Variants in TNNI3K observed in about 807,000 individuals in gnomAD.
TNNI3K encodes the protein TNNI3 interacting kinase, also known as serine/threonine-protein kinase TNNI3K.
A neutral mutation model predicts 114.5 loss-of-function variants in TNNI3K; 140 were observed. The observed-to-expected ratio is 1.22, with a 90% CI of 1.07 to 1.41. The LOEUF (loss-of-function observed/expected upper bound fraction) is 1.41. Among genes scored for constraint, TNNI3K ranks in the 40% most tolerant of loss-of-function variants. TNNI3K has a pLI of 0.00. For synonymous variants in TNNI3K, 347 were observed against 347.5 expected (o/e 1.00, Z 0.02); for missense variants, 1,125 against 1,007.6 (o/e 1.12, Z -1.58).
intron 21 of TNNI3K, chr1:74,468,070 A>G (rs1667753326): frequency 6.6e-6 from 1 of 152,198 alleles, no homozygotes; most frequent in African/African-American, 2.4e-5. Context: ...AACATCATAA[A>G]GAGGTAAAAG....
At chr1:74,369,678 CTT>C in intron 16 of TNNI3K, 93 bp downstream of exon 16, 1 of 1,365,922 alleles carries the variant, frequency 7.3e-7, no homozygotes, top group Non-Finnish European at 9.6e-7. Flanking sequence ...GAGCCTTCAC[CTT>C]TTGAAATCTG....
intron 5 of TNNI3K, among the ~76,000 whole-genome samples, chr1:74,274,414 G>A (rs1015938654): frequency 1.3e-5 from 2 of 151,828 alleles, no homozygotes; most frequent in African/African-American, 2.4e-5. Context: ...TATAATTGTA[G>A]TAAATAGTCA....
intron 17 of TNNI3K, chr1:74,373,726 G>A (rs1341855986): frequency 6.6e-6 from 1 of 151,732 alleles, no homozygotes; most frequent in East Asian, 1.9e-4. Flanking sequence ...AATTTTAAAG[G>A]GAAAAGGATG....
At chr1:74,351,481 T>C (rs1170129007) in intron 9 of TNNI3K, among the ~76,000 whole-genome samples, 2 of 152,178 alleles carry the variant, frequency 1.3e-5, no homozygotes, top group Non-Finnish European at 2.9e-5. Flanking sequence ...CTTTGTGGCG[T>C]TCTCTGTATT....
At chr1:74,267,798 T>A (rs1656091661) in intron 4 of TNNI3K, among the ~76,000 whole-genome samples, 1 of 151,912 alleles carries the variant, frequency 6.6e-6, no homozygotes, top group South Asian at 2.1e-4. Context: ...ACTCTTAACT[T>A]TTGACCTTAC....
chr1:74,254,081 T>C (rs1655128101), intron 4 of TNNI3K, among the ~76,000 whole-genome samples: 1 of 152,230 alleles, frequency 6.6e-6, no homozygotes. Flanking sequence ...TATTTCAAAC[T>C]TACAAAGACA....
At chr1:74,359,346 C>A (rs1024678021) in intron 11 of TNNI3K, among the ~76,000 whole-genome samples, 1 of 151,948 alleles carries the variant, frequency 6.6e-6, no homozygotes, top group Non-Finnish European at 1.5e-5. Flanking sequence ...GAGATTCAAT[C>A]GAATCCACAT....
intron 21 of TNNI3K, chr1:74,475,717 C>T (rs1387529551): frequency 4.3e-6 from 3 of 696,266 alleles, no homozygotes; most frequent in Non-Finnish European, 8.0e-6. Context: ...GAAGGTTCTG[C>T]AACAAAGGTT....
chr1:74,472,335 T>C (rs1349144140), intron 21 of TNNI3K: 1 of 593,744 alleles, frequency 1.7e-6, no homozygotes, highest in African/African-American at 1.9e-5. Flanking sequence ...ATTTCCTAAT[T>C]TGTAACCAAA....
chr1:74,266,095 A>G (rs1156687996), intron 4 of TNNI3K, among the ~76,000 whole-genome samples: 2 of 152,064 alleles, frequency 1.3e-5, no homozygotes, highest in East Asian at 1.9e-4. Context: ...TCTTAGTTCA[A>G]AAATTCAGAC....
At chr1:74,250,830 GC>G in intron 4 of TNNI3K, 61 bp downstream of exon 4, 1 of 1,025,342 alleles carries the variant, frequency 9.8e-7, no homozygotes, top group Non-Finnish European at 1.3e-6. Context: ...GTATCTTTAG[GC>G]TTTTTTTTTT....
At chr1:74,240,904 G>T (rs555955252) in intron 2 of TNNI3K, 2 of 151,666 alleles carry the variant, frequency 1.3e-5, no homozygotes, top group South Asian at 4.2e-4. Flanking sequence ...TTAACATTAG[G>T]TATATCTCCT....
intron 9 of TNNI3K, among the ~76,000 whole-genome samples, chr1:74,349,296 A>G (rs532291394): frequency 2.0e-5 from 3 of 151,866 alleles, no homozygotes; most frequent in South Asian, 4.2e-4. Context: ...ATTGATTTTC[A>G]TGGGTTGCAT....
At chr1:74,482,560 G>A (rs943788848) in intron 21 of TNNI3K, among the ~76,000 whole-genome samples, 6 of 152,120 alleles carry the variant, frequency 3.9e-5, no homozygotes, top group Admixed American at 2.0e-4. Context: ...TATCAGAGTC[G>A]TGGGATATTA....
intron 23 of TNNI3K, among the ~76,000 whole-genome samples, chr1:74,539,366 A>T (rs958016369): frequency 1.3e-5 from 2 of 152,146 alleles, no homozygotes; most frequent in Non-Finnish European, 2.9e-5. Flanking sequence ...TCTGGGGGGA[A>T]CTAGGGTAGT....
chr1:74,391,243 A>G (rs1663754610), intron 17 of TNNI3K, among the ~76,000 whole-genome samples: 2 of 152,220 alleles, frequency 1.3e-5, no homozygotes, highest in South Asian at 4.1e-4. Context: ...ATATTTTATT[A>G]GATTAATACT....
intron 17 of TNNI3K, among the ~76,000 whole-genome samples, chr1:74,406,320 AT>A (rs1389869424): frequency 6.6e-6 from 1 of 152,112 alleles, no homozygotes; most frequent in Non-Finnish European, 1.5e-5. Flanking sequence ...GTTTTTTGTT[AT>A]TTTTTGTTGT....
intron 20 of TNNI3K, among the ~76,000 whole-genome samples, chr1:74,445,764 C>G (rs913637632): frequency 6.6e-6 from 1 of 151,810 alleles, no homozygotes; most frequent in African/African-American, 2.4e-5. Flanking sequence ...GCGCCCGCCA[C>G]TACGCCTGGC....
intron 17 of TNNI3K, among the ~76,000 whole-genome samples, chr1:74,377,414 G>A (rs943764518): frequency 2.0e-5 from 3 of 151,910 alleles, no homozygotes; most frequent in African/African-American, 7.3e-5. Context: ...CTCCTCCAGA[G>A]AAAATAACTT....
Sources: gnomAD v4.1 joint callset for allele counts (sites outside exome capture counted in the v4.1 genomes callset) on GRCh38, gnomAD v4.1.1 for gene constraint, MANE v1.5 for transcripts, NCBI Gene and HGNC (gene_info 2026-07-23, HGNC 2026-07-21) for gene names.